FHIT: variants seen among roughly 807,000 people sequenced by gnomAD.
The protein encoded by FHIT is fragile histidine triad diadenosine triphosphatase.
In FHIT, 19 loss-of-function variants were observed where a neutral mutation model predicts 17.9. The ratio of observed to expected loss-of-function variants is 1.06; its 90% CI spans 0.74 to 1.56. The LOEUF (loss-of-function observed/expected upper bound fraction) is 1.56, where lower values mean the gene tolerates loss of function less well. FHIT is among the 40% of genes most tolerant of loss of function. The probability of loss-of-function intolerance (pLI) is 0.00; values close to 1 mark genes in which losing one functional copy is unlikely to be tolerated. For synonymous variants in FHIT, 81 were observed against 69.7 expected (o/e 1.16, Z -0.81); for missense variants, 248 against 189.2 (o/e 1.31, Z -1.82).
chr3:60,672,012 C>G (rs1553694048), intron 4 of FHIT, among the ~76,000 whole-genome samples: 1 of 151,920 alleles, frequency 6.6e-6, no homozygotes, highest in Non-Finnish European at 1.5e-5. Flanking sequence ...TGATATGTCC[C>G]TCTTTATCTT....
At chr3:60,266,732 G>A (rs556923006) in intron 5 of FHIT, among the ~76,000 whole-genome samples, 1 of 152,076 alleles carries the variant, frequency 6.6e-6, no homozygotes, top group South Asian at 2.1e-4. Context: ...CTGACATAGA[G>A]TACCCCAGCA....
chr3:60,195,793 C>T (rs978168324), intron 5 of FHIT, among the ~76,000 whole-genome samples: 3 of 144,870 alleles, frequency 2.1e-5, no homozygotes, highest in Non-Finnish European at 3.0e-5. Flanking sequence ...CCAAATACCA[C>T]GTGTTCTCAC....
intron 4 of FHIT, among the ~76,000 whole-genome samples, chr3:60,595,461 T>C (rs2187634): frequency 6.6e-6 from 1 of 151,022 alleles, no homozygotes; most frequent in African/African-American, 2.4e-5. Context: ...AGCATTTCTG[T>C]CCTAAATATA....
chr3:60,571,327 C>A (rs1191336253), intron 4 of FHIT, among the ~76,000 whole-genome samples: 1 of 78,816 alleles, frequency 1.3e-5, no homozygotes, highest in East Asian at 4.1e-4. Flanking sequence ...CAGGGCAAGA[C>A]TCCATCGCAA....
chr3:59,967,656 G>A (rs1442396812), intron 7 of FHIT, among the ~76,000 whole-genome samples: 1 of 152,148 alleles, frequency 6.6e-6, no homozygotes, highest in Non-Finnish European at 1.5e-5. Context: ...TGGCAAAGGT[G>A]TTCACGAAGA....
At chr3:61,063,885 G>C (rs940726990) in intron 2 of FHIT, among the ~76,000 whole-genome samples, 2 of 152,168 alleles carry the variant, frequency 1.3e-5, no homozygotes, top group African/African-American at 4.8e-5. Flanking sequence ...AAAACACTTT[G>C]ACGATGACTT....
chr3:60,873,753 T>A (rs782481946), intron 3 of FHIT, among the ~76,000 whole-genome samples: 1 of 152,216 alleles, frequency 6.6e-6, no homozygotes, highest in African/African-American at 2.4e-5. Flanking sequence ...AGTAATCTTA[T>A]AATTTGCTAA....
At chr3:60,078,703 A>C (rs548221257) in intron 5 of FHIT, among the ~76,000 whole-genome samples, 8 of 152,284 alleles carry the variant, frequency 5.3e-5, no homozygotes, top group African/African-American at 1.9e-4. Flanking sequence ...AAATACACTA[A>C]AGGAGCAAAG....
chr3:60,303,970 C>T (rs961065140), intron 5 of FHIT, among the ~76,000 whole-genome samples: 2 of 152,124 alleles, frequency 1.3e-5, no homozygotes, highest in Non-Finnish European at 2.9e-5. Context: ...GCATTTCCCT[C>T]CAATGAGATG....
chr3:61,004,817 G>A (rs1490284877), intron 3 of FHIT, among the ~76,000 whole-genome samples: 1 of 152,120 alleles, frequency 6.6e-6, no homozygotes, highest in Non-Finnish European at 1.5e-5. Context: ...TCAATCAGCC[G>A]CCAACCGCAG....
intron 5 of FHIT, among the ~76,000 whole-genome samples, chr3:60,326,653 C>G (rs891395526): frequency 2.0e-5 from 3 of 152,104 alleles, no homozygotes; most frequent in African/African-American, 7.2e-5. Flanking sequence ...TCACCCTTTC[C>G]CAGAGTGAAT....
chr3:61,034,705 C>T (rs2033160121), intron 3 of FHIT, among the ~76,000 whole-genome samples: 2 of 152,150 alleles, frequency 1.3e-5, no homozygotes, highest in Admixed American at 6.5e-5. Flanking sequence ...GACTTAGCCA[C>T]TGTGGAAAAT....
At chr3:60,371,998 T>C (rs1157376358) in intron 5 of FHIT, among the ~76,000 whole-genome samples, 1 of 152,162 alleles carries the variant, frequency 6.6e-6, no homozygotes, top group African/African-American at 2.4e-5. Context: ...CTTCCTATTC[T>C]TTCATACCAT....
intron 8 of FHIT, among the ~76,000 whole-genome samples, chr3:59,817,218 G>T (rs1320758981): frequency 3.9e-5 from 6 of 152,190 alleles, no homozygotes. Context: ...TTTAATGTTT[G>T]TGTGTGTTGT....
chr3:60,212,607 T>C (rs1703505686), intron 5 of FHIT, among the ~76,000 whole-genome samples: 2 of 152,076 alleles, frequency 1.3e-5, no homozygotes, highest in Non-Finnish European at 2.9e-5. Flanking sequence ...CTAAGTGTTG[T>C]TTAAGCACTA....
At chr3:59,902,812 T>C (rs1704392042) in intron 8 of FHIT, among the ~76,000 whole-genome samples, 1 of 152,134 alleles carries the variant, frequency 6.6e-6, no homozygotes, top group African/African-American at 2.4e-5. Context: ...ATGGGAATAA[T>C]CTGGTCAAGG....
chr3:60,226,007 G>A (rs1704180742), intron 5 of FHIT, among the ~76,000 whole-genome samples: 1 of 152,112 alleles, frequency 6.6e-6, no homozygotes, highest in African/African-American at 2.4e-5. Flanking sequence ...AACATAATAC[G>A]AATCATGGGA....
At chr3:60,258,093 CACACACA>C in intron 5 of FHIT, among the ~76,000 whole-genome samples, 1 of 146,724 alleles carries the variant, frequency 6.8e-6, no homozygotes, top group Admixed American at 6.8e-5. Context: ...CACACACACA[CACACACA>C]CCTCTGCAGA....
chr3:60,103,733 T>C (rs546462655), intron 5 of FHIT, among the ~76,000 whole-genome samples: 2 of 152,338 alleles, frequency 1.3e-5, no homozygotes, highest in African/African-American at 2.4e-5. Flanking sequence ...TCTGCAATTA[T>C]ACTTTTTCCA....
Sources: allele counts gnomAD v4.1 joint callset (sites outside exome capture counted in the v4.1 genomes callset), GRCh38; gene constraint gnomAD v4.1.1; transcripts MANE v1.5; gene names NCBI Gene and HGNC (gene_info 2026-07-23, HGNC 2026-07-21).